The following CYB5R4 variants were observed in gnomAD, a reference collection of about 807,000 sequenced individuals.
The protein encoded by CYB5R4 is N-terminal cytochrome b5 and cytochrome b5 oxidoreductase domain-containing protein.
In CYB5R4, 55 loss-of-function variants were observed where a neutral mutation model predicts 70.2. The observed-to-expected ratio is 0.78, with a 90% CI of 0.63 to 0.98. CYB5R4 has a LOEUF of 0.98. Among genes scored for constraint, CYB5R4 ranks in the 50% least tolerant of loss-of-function variants. CYB5R4 has a pLI of 0.00. For synonymous variants in CYB5R4, 197 were observed against 199.5 expected (o/e 0.99, Z 0.11); for missense variants, 562 against 612.6 (o/e 0.92, Z 0.87).
Position 83,940,143 on chromosome 6 carries a change from G to T in CYB5R4, c.1196G>T (p.Gly399Val). Residue 399 changes from glycine to valine, a missense_variant, in exon 13 of 16, where the codon GGA becomes GTA. Gly to Val is a moderately radical substitution (Grantham distance 109). Coordinates refer to ENST00000369681, the MANE Select transcript of CYB5R4 (RefSeq NM_016230.4). Reference protein sequence around the residue: ...ELEDLFLLAAGTGFTPMVKIL... With the variant: ...ELEDLFLLAAVTGFTPMVKIL... The stretch of plus-strand genomic sequence containing the variant: ...GAAGATCTCTTTTTGTTGGCAGCTG[G>T]AACAGGCTTCACACCAATGGTTAAA... The T allele has an allele frequency of 1.2e-6, 2 of 1,611,978 alleles. No homozygotes were observed. Among genetic ancestry groups the T allele is most frequent in the Non-Finnish European group, 1.7e-6 (2 of 1,178,578 alleles).
At chr6:83,920,423 A>T (rs1331232148) in intron 7 of CYB5R4, among the ~76,000 whole-genome samples, 1 of 152,050 alleles carries the variant, frequency 6.6e-6, no homozygotes, top group East Asian at 1.9e-4. Flanking sequence ...TCTTCATCAC[A>T]CAGTTCAAAA....
intron 14 of CYB5R4, among the ~76,000 whole-genome samples, chr6:83,948,687 AAATT>A (rs2099471051): frequency 6.6e-6 from 1 of 152,172 alleles, no homozygotes; most frequent in African/African-American, 2.4e-5. Flanking sequence ...CTTGATTTAT[AAATT>A]AATTGTTAAG....
At chr6:83,920,199 G>A (rs189908508) in intron 7 of CYB5R4, among the ~76,000 whole-genome samples, 1 of 152,300 alleles carries the variant, frequency 6.6e-6, no homozygotes, top group East Asian at 1.9e-4. Context: ...CACTTTGAGG[G>A]ATATGTAGAT....
At chr6:83,873,204 T>A (rs1334832712) in intron 2 of CYB5R4, among the ~76,000 whole-genome samples, 2 of 151,940 alleles carry the variant, frequency 1.3e-5, no homozygotes, top group African/African-American at 4.8e-5. Context: ...TTAATTAACA[T>A]TGCTAGTTAA....
At chr6:83,912,392 A>T (rs528929590) in intron 4 of CYB5R4, among the ~76,000 whole-genome samples, 3 of 152,244 alleles carry the variant, frequency 2.0e-5, no homozygotes, top group Non-Finnish European at 4.4e-5. Flanking sequence ...AAGAATGAGC[A>T]TATTGGTAAA....
At chr6:83,866,223 A>G (rs1354496213) in intron 2 of CYB5R4, among the ~76,000 whole-genome samples, 1 of 152,240 alleles carries the variant, frequency 6.6e-6, no homozygotes, top group Non-Finnish European at 1.5e-5. Flanking sequence ...AGGCATTATT[A>G]GAATACAGTT....
intron 2 of CYB5R4, among the ~76,000 whole-genome samples, chr6:83,866,772 T>G (rs191115539): frequency 2.0e-5 from 3 of 152,168 alleles, no homozygotes; most frequent in East Asian, 3.9e-4. Flanking sequence ...TGCACCACCA[T>G]GCCCAGCTAT....
At chr6:83,937,007 G>A (rs1238420542) in intron 12 of CYB5R4, among the ~76,000 whole-genome samples, 1 of 152,244 alleles carries the variant, frequency 6.6e-6, no homozygotes, top group African/African-American at 2.4e-5. Flanking sequence ...GGGTGCGGTG[G>A]CTCACGCCTG....
At chr6:83,887,841 A>C (rs1178262298) in intron 2 of CYB5R4, among the ~76,000 whole-genome samples, 4 of 151,996 alleles carry the variant, frequency 2.6e-5, no homozygotes, top group Admixed American at 6.6e-5. Flanking sequence ...GGATAGATAG[A>C]TATTCTCCCT....
At chr6:83,905,699 T>C (rs892247389) in intron 3 of CYB5R4, among the ~76,000 whole-genome samples, 7 of 152,002 alleles carry the variant, frequency 4.6e-5, no homozygotes, top group African/African-American at 1.7e-4. Context: ...TTCTTGGGCC[T>C]CTTGGTGGCC....
chr6:83,936,295 C>T lies in CYB5R4; in HGVS notation c.1027C>T (p.Pro343Ser), dbSNP rs760088678. 3.7e-6 allele frequency: 6 copies of T among 1,612,150 alleles called. No homozygotes were observed. In the Admixed American group the frequency reaches 1.0e-4, roughly 27 times the overall value. Residue 343 changes from proline (P) to serine (S), a missense_variant, in exon 12 of 16, where the codon CCC (proline) becomes TCC (serine). Physicochemically the swap from Pro to Ser is moderately conservative, Grantham distance 74 (BLOSUM62 -1). Transcript: ENST00000369681. ...CTCAGAGTTCAAGGAACCAGTTCTT[C>T]CCAACAATAAATACATCTACTTTTT... ...LLSEFKEPVL[P>S]NNKYIYFLIK...
chr6:83,912,507 A>G (rs1172516757), intron 4 of CYB5R4, among the ~76,000 whole-genome samples: 1 of 152,214 alleles, frequency 6.6e-6, no homozygotes, highest in Non-Finnish European at 1.5e-5. Flanking sequence ...TTACCAAGGA[A>G]GAGCTGAGTG....
chr6:83,940,646 G>C, intron 14 of CYB5R4, 45 bp downstream of exon 14: 1 of 1,562,680 alleles, frequency 6.4e-7, no homozygotes. Context: ...TTATACCTGG[G>C]TAGTAAGTCT....
rs749153269 is a variant in CYB5R4 at position 83,955,370 on chromosome 6, T to A, written c.1419T>A (p.Ala473=). The part of the protein sequence containing the change: ...WNGKQGHISP[A]LLSEFLKRNL... ...GCAAACAGGGACATATTTCACCAGCTCTTCTTTCTGAATTTTTGAAAAGAA... is the reference window on the plus strand; with the variant it reads ...GCAAACAGGGACATATTTCACCAGCACTTCTTTCTGAATTTTTGAAAAGAA... Residue 473 remains alanine (A), a synonymous_variant, in exon 15 of 16, where the codon GCT becomes GCA. Coordinates refer to ENST00000369681, the MANE Select transcript of CYB5R4 (RefSeq NM_016230.4). 1.9e-6 allele frequency: 3 copies of A among 1,613,990 alleles called. No individual in the cohort carries two copies. Among genetic ancestry groups the A allele is most frequent in the South Asian group, 2.2e-5 (2 of 91,080 alleles).
intron 2 of CYB5R4, among the ~76,000 whole-genome samples, chr6:83,892,712 A>G (rs2099461286): frequency 6.6e-6 from 1 of 152,198 alleles, no homozygotes; most frequent in Non-Finnish European, 1.5e-5. Flanking sequence ...CTAAGTGGTC[A>G]CCATTGCTTA....
rs143671765 is a variant in CYB5R4, at chr6:83,944,107, G to C, written c.1346+3506G>C. Among the ~76,000 whole-genome samples, 1,420 of 152,206 alleles carry C rather than the reference G, an allele frequency of 9.3e-3. 25 individuals are homozygous for C. Among genetic ancestry groups the C allele is most frequent in the African/African-American group, 0.032 (1,347 of 41,512 alleles). ...AGAACACCACAAAGATACTTCTTGA[G>C]AAGAGCAACCCCAGGACATAATCGT... On this transcript the variant is annotated intron_variant, in intron 14 of 15. Transcript: ENST00000369681.
intron 10 of CYB5R4, among the ~76,000 whole-genome samples, chr6:83,924,893 GT>G (rs2129140602): frequency 6.6e-6 from 1 of 152,216 alleles, no homozygotes; most frequent in African/African-American, 2.4e-5. Context: ...GTCCCCTTTT[GT>G]GAAAGATACA....
chr6:83,961,554 T>G lies in CYB5R4; in HGVS notation c.*1676T>G, dbSNP rs1000911451. 11 of 152,168 alleles carry G rather than the reference T, an allele frequency of 7.2e-5. No individual in the cohort carries two copies. The highest frequency in any genetic ancestry group is 2.2e-4 in the African/African-American group (9 of 41,456). The allele number at this position is 152,168 out of a possible 1,614,324, so 9.4% of individuals were successfully genotyped here. On this transcript the variant is annotated 3_prime_UTR_variant, in exon 16 of 16. Coordinates refer to ENST00000369681, the MANE Select transcript of CYB5R4 (RefSeq NM_016230.4). ...CTGTATTATGAAGAAGGTCCTTGCT[T>G]CTTCTTTGCTTTCTACCATAATTGT...
chr6:83,961,115 C>T lies in CYB5R4; in HGVS notation c.*1237C>T, dbSNP rs1235371281. 1 of 151,998 alleles carries T rather than the reference C, an allele frequency of 6.6e-6. No individual in the cohort carries two copies. Among genetic ancestry groups the T allele is most frequent in the Non-Finnish European group, 1.5e-5 (1 of 67,998 alleles). The allele number at this position is 151,998 out of a possible 1,614,324, so 9.4% of individuals were successfully genotyped here. A position where few individuals can be genotyped will look rare whatever the true frequency, so the allele number is the denominator to read the frequency against. On this transcript the variant is annotated 3_prime_UTR_variant, in exon 16 of 16. Transcript: ENST00000369681. ...CAAGAGGAACACAATATTAATATTC[C>T]CCAAATTACAGACGCCCAGCTTGTG... is the stretch of plus-strand genomic sequence containing the variant.
Sources: allele counts gnomAD v4.1 joint callset (sites outside exome capture counted in the v4.1 genomes callset), GRCh38; gene constraint gnomAD v4.1.1; transcripts MANE v1.5; gene names NCBI Gene and HGNC (gene_info 2026-07-23, HGNC 2026-07-21).